Variants in OR3A2 observed in about 807,000 individuals in gnomAD.
OR3A2 encodes the protein olfactory receptor 3A2.
For missense variants in OR3A2, 318 were observed against 392.8 expected, an observed-to-expected ratio of 0.81 and a Z score of 1.61; for synonymous variants, 126 against 159.3, an observed-to-expected ratio of 0.79 and a Z score of 1.57.
intron 3 of OR3A2, among the ~76,000 whole-genome samples, chr17:3,319,900 G>T (rs558832231): frequency 1.3e-5 from 2 of 152,124 alleles, no homozygotes; most frequent in East Asian, 3.8e-4. Flanking sequence ...CCCAGTCATG[G>T]GATGGCTGGG....
chr17:3,309,104 C>A (rs1487617414), intron 3 of OR3A2, among the ~76,000 whole-genome samples: 1 of 152,026 alleles, frequency 6.6e-6, no homozygotes, highest in Non-Finnish European at 1.5e-5. Flanking sequence ...CGGGGTTTCA[C>A]CATATTGGCT....
upstream of OR3A2, among the ~76,000 whole-genome samples, chr17:3,289,206 G>A (rs1231875162): frequency 2.0e-5 from 3 of 152,234 alleles, no homozygotes; most frequent in Non-Finnish European, 4.4e-5. Context: ...GTGCGGAAGG[G>A]TGGTGATGTT....
chr17:3,380,012 C>G (rs1269530034), intron 2 of OR3A2, among the ~76,000 whole-genome samples: 1 of 152,192 alleles, frequency 6.6e-6, no homozygotes, highest in Non-Finnish European at 1.5e-5. Flanking sequence ...CCATAACTCT[C>G]CACAGAATTT....
At chr17:3,361,995 C>T (rs1225194891) in intron 2 of OR3A2, among the ~76,000 whole-genome samples, 4 of 151,568 alleles carry the variant, frequency 2.6e-5, no homozygotes, top group Non-Finnish European at 5.9e-5. Flanking sequence ...GGAATGGTAC[C>T]AGCTCTTCCT....
chr17:3,366,968 G>A (rs1306003906), intron 2 of OR3A2, among the ~76,000 whole-genome samples: 1 of 152,198 alleles, frequency 6.6e-6, no homozygotes, highest in Non-Finnish European at 1.5e-5. Context: ...GCCAGGGAGT[G>A]AGATTACCTT....
At chr17:3,322,062 G>A (rs1348704470) in intron 3 of OR3A2, among the ~76,000 whole-genome samples, 2 of 152,068 alleles carry the variant, frequency 1.3e-5, no homozygotes, top group Non-Finnish European at 2.9e-5. Context: ...TTCAGAGCCT[G>A]TTATTGGTCT....
chr17:3,306,363 G>C (rs978420426), intron 3 of OR3A2, among the ~76,000 whole-genome samples: 1 of 151,856 alleles, frequency 6.6e-6, no homozygotes, highest in African/African-American at 2.4e-5. Context: ...CCCTGATCTA[G>C]AACGCCTGGC....
At chr17:3,297,404 T>C (rs548659281) in intron 3 of OR3A2, among the ~76,000 whole-genome samples, 1 of 152,360 alleles carries the variant, frequency 6.6e-6, no homozygotes, top group African/African-American at 2.4e-5. Flanking sequence ...TGATTCTGTA[T>C]CTTCCCATCT....
intron 2 of OR3A2, among the ~76,000 whole-genome samples, chr17:3,363,862 C>T (rs1370353231): frequency 6.6e-6 from 1 of 152,062 alleles, no homozygotes. Flanking sequence ...AACATGGTGG[C>T]AGGAGAAAGA....
At chr17:3,286,027 T>A (rs761760202), upstream of OR3A2, among the ~76,000 whole-genome samples, 2 of 152,158 alleles carry the variant, frequency 1.3e-5, no homozygotes, top group African/African-American at 2.4e-5. Flanking sequence ...CAACCTGTCT[T>A]CTACATTAGG....
chr17:3,287,326 T>C (rs1476731641), upstream of OR3A2, among the ~76,000 whole-genome samples: 1 of 143,746 alleles, frequency 7.0e-6, no homozygotes, highest in Non-Finnish European at 1.5e-5. Context: ...TAATGCACAT[T>C]GTACCCATTA....
intron 3 of OR3A2, among the ~76,000 whole-genome samples, chr17:3,312,361 G>C (rs1333212620): frequency 6.6e-6 from 1 of 152,244 alleles, no homozygotes; most frequent in East Asian, 1.9e-4. Flanking sequence ...GTCTAGTATT[G>C]TAAAGTTAAA....
intron 3 of OR3A2, among the ~76,000 whole-genome samples, chr17:3,335,376 T>G (rs1051188088): frequency 6.6e-6 from 1 of 152,174 alleles, no homozygotes; most frequent in African/African-American, 2.4e-5. Context: ...TAATCTAGCC[T>G]TTCTTTTGAT....
At chr17:3,324,053 A>G (rs938902885) in intron 3 of OR3A2, among the ~76,000 whole-genome samples, 24 of 151,814 alleles carry the variant, frequency 1.6e-4, no homozygotes, top group East Asian at 5.8e-4. Flanking sequence ...GGCTTTGTTC[A>G]TTTCTTTTTG....
rs3037631 is a variant in OR3A2 at position 3,355,428 on chromosome 17, TTCTCTCTCTCTC to T, written c.-178-19314_-178-19303del. Among the ~76,000 whole-genome samples, 772 of 139,662 alleles carry T rather than the reference TTCTCTCTCTCTC, an allele frequency of 5.5e-3. 27 individuals are homozygous for T. The highest frequency in any genetic ancestry group is 0.031 in the Middle Eastern group (9 of 288). 91.6% of individuals were successfully genotyped at this position (139,662 alleles called of 152,430 possible). ...TCTCCCACTATTATCATGTTGGCAT[TTCTCTCTCTCTC>T]TCTCTCTCTCTCTCTCTCTCTTTAG... On this transcript the variant is annotated intron_variant, in intron 2 of 4. Transcript: ENST00000573491.
At chr17:3,314,985 G>T (rs1391177339) in intron 3 of OR3A2, among the ~76,000 whole-genome samples, 4 of 152,156 alleles carry the variant, frequency 2.6e-5, no homozygotes, top group Admixed American at 2.6e-4. Flanking sequence ...ATGACCTCCA[G>T]CTGCATCCAT....
chr17:3,344,305 A>C (rs1458599627), intron 2 of OR3A2, among the ~76,000 whole-genome samples: 1 of 137,646 alleles, frequency 7.3e-6, no homozygotes, highest in Admixed American at 7.8e-5. Flanking sequence ...AATACCCTGA[A>C]GAAGAAGATT....
intron 2 of OR3A2, among the ~76,000 whole-genome samples, chr17:3,366,521 C>T (rs1426268362): frequency 2.0e-5 from 3 of 152,128 alleles, no homozygotes; most frequent in African/African-American, 7.2e-5. Context: ...AAAATTGTTA[C>T]AGTTTCTTGT....
chr17:3,283,656 C>A (rs935493125), intron 1 of OR3A2, among the ~76,000 whole-genome samples: 20 of 152,238 alleles, frequency 1.3e-4, no homozygotes, highest in Non-Finnish European at 2.1e-4. Flanking sequence ...TAGGGGAGGT[C>A]CAGGTTAAGT....
Sources: allele counts gnomAD v4.1 joint callset (sites outside exome capture counted in the v4.1 genomes callset), GRCh38; gene constraint gnomAD v4.1.1; transcripts MANE v1.5; gene names NCBI Gene and HGNC (gene_info 2026-07-23, HGNC 2026-07-21).